The following NOC2L variants were observed in gnomAD, a reference collection of about 807,000 sequenced individuals.
The protein encoded by NOC2L is NOC2 like nucleolar associated transcriptional repressor.
In NOC2L, 101 loss-of-function variants were observed where a neutral mutation model predicts 94.2. That is an observed-to-expected ratio of 1.07 (90% confidence interval 0.91 to 1.26). The LOEUF is 1.26. Among genes scored for constraint, NOC2L ranks in the 50% most tolerant of loss-of-function variants. The pLI is 0.00. For missense variants in NOC2L, 1,076 were observed against 980.1 expected (o/e 1.10, Z -1.31); for synonymous variants, 531 against 413.4 (o/e 1.28, Z -3.45).
In NOC2L at chr1:956,207, G is replaced by C. The variant is rs1192967818; in HGVS notation, c.495C>G (p.Leu165=). ...ERWKQAAKQR[L]TPKLFHEVVQ... ...CCACTTCATGGAACAGCTTTGGAGTGAGGCGTTGCTGAAGGAGCAAGAGTA... is the reference window on the plus strand; with the variant it reads ...CCACTTCATGGAACAGCTTTGGAGTCAGGCGTTGCTGAAGGAGCAAGAGTA... Residue 165 remains leucine, a synonymous_variant, in exon 5 of 19, where the codon CTC becomes CTG. Coordinates refer to ENST00000327044, the MANE Select transcript of NOC2L (RefSeq NM_015658.4). 1.2e-6 allele frequency: 2 copies of C among 1,613,646 alleles called. No homozygotes were observed. Among genetic ancestry groups the C allele is most frequent in the Non-Finnish European group, 1.7e-6 (2 of 1,180,006 alleles).
In NOC2L at chr1:946,206, C is replaced by T. The variant is rs749332347; in HGVS notation, c.1884G>A (p.Arg628=). ...TGCCACTGATCTCCAGCTGGATCTC[C>T]CGGTCACGCAGCTTGCGCCAGTGGC... The part of the protein sequence containing the change: ...YYSHWRKLRD[R]EIQLEISGKE... Residue 628 remains arginine, a synonymous_variant, in exon 16 of 19, where the codon CGG becomes CGA. Coordinates refer to ENST00000327044, the MANE Select transcript of NOC2L (RefSeq NM_015658.4). 3 of 1,613,332 alleles carry T rather than the reference C, an allele frequency of 1.9e-6. No individual in the cohort carries two copies. The highest frequency in any genetic ancestry group is 1.7e-6 in the Non-Finnish European group (2 of 1,179,520).
intron 16 of NOC2L, 77 bp from the exon 17 acceptor site, chr1:945,730 G>A: frequency 6.3e-7 from 1 of 1,592,220 alleles, no homozygotes; most frequent in Non-Finnish European, 8.6e-7. Flanking sequence ...GGCATCGCCA[G>A]ACCCACCACC....
chr1:946,582 C>A, intron 14 of NOC2L, 37 bp from the exon 15 acceptor site: 1 of 1,599,630 alleles, frequency 6.3e-7, no homozygotes, highest in Non-Finnish European at 8.5e-7. Context: ...AAGCCCAGGA[C>A]CGCTCCATGT....
At chr1:946,685 C>A in intron 14 of NOC2L, 140 bp from the exon 15 acceptor site, 2 of 1,020,464 alleles carry the variant, frequency 2.0e-6, no homozygotes, top group Non-Finnish European at 2.8e-6. Flanking sequence ...GGCTCAAGTG[C>A]ATAGCTGTTG....
At chr1:956,068 T>G (rs774192559) in intron 5 of NOC2L, 27 bp downstream of exon 5, 1 of 1,613,956 alleles carries the variant, frequency 6.2e-7, no homozygotes, top group African/African-American at 1.3e-5. Context: ...ACAGACAGCC[T>G]GGATGCCAGG....
intron 1 of NOC2L, 48 bp from the exon 2 acceptor site, chr1:959,129 C>T: frequency 6.2e-7 from 1 of 1,611,634 alleles, no homozygotes. Context: ...CAGCTCGCCC[C>T]AGCCCCGCTG....
In NOC2L at chr1:945,637, A is replaced by G; in HGVS notation, c.1934T>C (p.Phe645Ser). 1 of 1,614,158 alleles carries G rather than the reference A, an allele frequency of 6.2e-7. No homozygotes were observed. The highest frequency in any genetic ancestry group is 2.2e-5 in the East Asian group (1 of 44,892). The change falls in exon 17 of 19, where the codon TTC becomes TCC. Residue 645 changes from phenylalanine to serine, a missense_variant. Around this residue, in one of 3 missense-constraint regions of NOC2L, gnomAD observed 615 missense variants for 577.4 expected, o/e 1.07. Coordinates refer to ENST00000327044, the MANE Select transcript of NOC2L (RefSeq NM_015658.4). ...CATCTTCCTTCGTTTGATCTCAGGG[A>G]AGTTCAGGTCTTCCAGCTGGAAGGC... The part of the protein sequence containing the change: ...SGKERLEDLN[F>S]PEIKRRKMAD...
chr1:948,387 C>T, intron 13 of NOC2L, 103 bp downstream of exon 13: 3 of 1,062,142 alleles, frequency 2.8e-6, no homozygotes, highest in Non-Finnish European at 4.3e-6. Flanking sequence ...CCATGAAGGT[C>T]CATGCTTGAA....
intron 12 of NOC2L, among the ~76,000 whole-genome samples, chr1:950,241 G>A (rs1642217225): frequency 6.6e-6 from 1 of 151,606 alleles, no homozygotes. Context: ...ACATGCAGAT[G>A]CAAATGCATG....
At chr1:958,411 G>A (rs1234098052) in intron 2 of NOC2L, 7 of 313,324 alleles carry the variant, frequency 2.2e-5, no homozygotes, top group East Asian at 8.9e-5. Flanking sequence ...CACCACGCCC[G>A]GCTAATTTTT....
chr1:952,367 C>CA, intron 10 of NOC2L, 45 bp downstream of exon 10: 1 of 1,601,914 alleles, frequency 6.2e-7, no homozygotes, highest in South Asian at 1.1e-5. Flanking sequence ...CCTGGGCTGC[C>CA]CCACCCCATG....
chr1:945,295 G>C (rs965414633), intron 17 of NOC2L, 149 bp from the exon 18 acceptor site: 26 of 1,082,512 alleles, frequency 2.4e-5, no homozygotes, highest in Non-Finnish European at 3.4e-5. Flanking sequence ...GAGGAACTGG[G>C]AGGTCACAGG....
chr1:955,575 G>A (rs914176445), intron 6 of NOC2L, among the ~76,000 whole-genome samples: 8 of 152,332 alleles, frequency 5.3e-5, no homozygotes, highest in Non-Finnish European at 4.4e-5. Flanking sequence ...ATAGTGCAGA[G>A]ATCAAGGAGT....
rs28453979 is a variant in NOC2L at position 944,539 on chromosome 1, T to C, written c.*155A>G. 4.8e-6 allele frequency: 3 copies of C among 621,932 alleles called. No homozygotes were observed. The highest frequency in any genetic ancestry group is 3.7e-5 in the African/African-American group (2 of 53,408). 38.5% of individuals were successfully genotyped at this position (621,932 alleles called of 1,614,324 possible). A position where few individuals can be genotyped will look rare whatever the true frequency, so the allele number is the denominator to read the frequency against. On this transcript the variant is annotated 3_prime_UTR_variant, in exon 19 of 19. Coordinates refer to ENST00000327044, the MANE Select transcript of NOC2L (RefSeq NM_015658.4). Reference sequence around the variant, plus strand: ...AGCCCAGCCCAGCTCTCGATACGTTTGGTCTTTCATGCTGAAAAATAAATA... The same window carrying C: ...AGCCCAGCCCAGCTCTCGATACGTTCGGTCTTTCATGCTGAAAAATAAATA...
intron 4 of NOC2L, 122 bp from the exon 5 acceptor site, chr1:956,337 G>A: frequency 1.8e-6 from 2 of 1,136,664 alleles, no homozygotes; most frequent in Non-Finnish European, 2.5e-6. Flanking sequence ...AGAGGTTGGG[G>A]GGAGGCACAG....
In NOC2L at chr1:944,760, C is replaced by A. The variant is rs776229392; in HGVS notation, c.2184G>T (p.Glu728Asp). 1.9e-6 allele frequency: 3 copies of A among 1,599,808 alleles called. No individual in the cohort carries two copies. The Admixed American group carries it at 5.0e-5, about 27-fold the overall frequency. The change falls in exon 19 of 19, where the codon GAG becomes GAT. Residue 728 changes from glutamate to aspartate, a missense_variant. By Grantham distance (45) the Glu-to-Asp change is conservative. Coordinates refer to ENST00000327044, the MANE Select transcript of NOC2L (RefSeq NM_015658.4). ...CCGGCCCCTGGGCCAGCTGCTGCAG[C>A]TCCCCAGGGGCCAGCCCCGCCTCTG... ...PDAEAGLAPGELQQLAQGPED... is the reference protein window; with the variant it reads ...PDAEAGLAPGDLQQLAQGPED...
chr1:945,777 C>T, intron 16 of NOC2L, 124 bp from the exon 17 acceptor site: 5 of 1,209,474 alleles, frequency 4.1e-6, no homozygotes, highest in Non-Finnish European at 5.9e-6. Context: ...CCCCTCTGTT[C>T]CCAAATCACA....
chr1:952,583 A>G lies in NOC2L; in HGVS notation c.1020T>C (p.Tyr340=), dbSNP rs1642289396. Residue 340 remains tyrosine, a synonymous_variant, in exon 10 of 19, where the codon TAT becomes TAC. Transcript: ENST00000327044. ...GCGAGGTGAACTTGCAGTTCCTCAC[A>G]TACGTGATGTACATTTGCTGCGGAG... ...GPVLKQMYIT[Y]VRNCKFTSPG... is the part of the protein sequence containing the mutation. 1.4e-5 allele frequency: 22 copies of G among 1,613,750 alleles called. No individual in the cohort carries two copies. The highest frequency in any genetic ancestry group is 1.9e-5 in the Non-Finnish European group (22 of 1,180,004).
At position 946,274 on chromosome 1, in the gene NOC2L, T is replaced by C; in HGVS notation, c.1816A>G (p.Lys606Glu). ...GGTGTCCCCTCTTCCCGGGTCAGCT[T>C]CTCCCAGGCTTCCTGGGGGGTTGGG... Reference protein sequence around the residue: ...SEQQAVEAWEKLTREEGTPLT... With the variant: ...SEQQAVEAWEELTREEGTPLT... Residue 606 changes from lysine (K) to glutamate (E), a missense_variant, in exon 16 of 19, where the codon AAG becomes GAG. This residue lies in a region of NOC2L where 615 missense variants were observed against 577.4 expected (regional missense o/e 1.07). Coordinates refer to ENST00000327044, the MANE Select transcript of NOC2L (RefSeq NM_015658.4). 2 of 1,613,476 alleles carry C rather than the reference T, an allele frequency of 1.2e-6. No individual in the cohort carries two copies. Among genetic ancestry groups the C allele is most frequent in the South Asian group, 2.2e-5 (2 of 91,066 alleles).
Sources: allele counts gnomAD v4.1 joint callset (sites outside exome capture counted in the v4.1 genomes callset), GRCh38; gene constraint gnomAD v4.1.1; regional missense constraint gnomAD v4.1.1; transcripts MANE v1.5; gene names NCBI Gene and HGNC (gene_info 2026-07-23, HGNC 2026-07-21).